The following EXOC6B variants were observed in gnomAD, a reference collection of about 807,000 sequenced individuals.
EXOC6B encodes SEC15 homolog B.
Under a neutral mutation model 113.5 loss-of-function variants are expected in EXOC6B, and 54 were observed. The observed-to-expected ratio is 0.48, with a 90% CI of 0.38 to 0.60. The LOEUF is 0.60. Ranked by LOEUF, EXOC6B falls within the 20% of genes least tolerant of loss-of-function variation. The pLI is 0.00. For synonymous variants in EXOC6B, 357 were observed against 339.0 expected (o/e 1.05, Z -0.58); for missense variants, 797 against 977.5 (o/e 0.82, Z 2.46).
At chr2:72,383,606 T>A (rs1170099363) in intron 18 of EXOC6B, among the ~76,000 whole-genome samples, 1 of 152,006 alleles carries the variant, frequency 6.6e-6, no homozygotes, top group Non-Finnish European at 1.5e-5. Context: ...CTCAAAGAAC[T>A]AAAAACAGAG....
intron 20 of EXOC6B, among the ~76,000 whole-genome samples, chr2:72,206,000 G>A (rs1308328860): frequency 1.3e-5 from 2 of 152,174 alleles, no homozygotes; most frequent in East Asian, 3.9e-4. Flanking sequence ...CTCAGTGTGA[G>A]TTCTGTGAGA....
chr2:72,669,430 GT>G (rs138748940), intron 6 of EXOC6B, among the ~76,000 whole-genome samples: 24 of 148,102 alleles, frequency 1.6e-4, no homozygotes, highest in South Asian at 6.4e-4. Context: ...CATTTTCAGA[GT>G]TTTTTTTTTA....
At chr2:72,801,645 A>G (rs1188351466) in intron 1 of EXOC6B, among the ~76,000 whole-genome samples, 1 of 152,210 alleles carries the variant, frequency 6.6e-6, no homozygotes, top group Non-Finnish European at 1.5e-5. Flanking sequence ...TGACTGGAAC[A>G]GTGTTTTGAA....
At chr2:72,378,082 G>A (rs915387030) in intron 19 of EXOC6B, among the ~76,000 whole-genome samples, 1 of 152,226 alleles carries the variant, frequency 6.6e-6, no homozygotes, top group African/African-American at 2.4e-5. Context: ...ATTCTGGTTG[G>A]TCAGAATTCC....
intron 20 of EXOC6B, among the ~76,000 whole-genome samples, chr2:72,297,615 T>C (rs914288737): frequency 6.6e-6 from 1 of 152,232 alleles, no homozygotes; most frequent in African/African-American, 2.4e-5. Context: ...CAATTTTAGA[T>C]CTTTCCTGCT....
intron 20 of EXOC6B, among the ~76,000 whole-genome samples, chr2:72,194,597 C>CTCTCTCTCTCTCTCTCTCTCTG (rs747161190): frequency 1.4e-5 from 2 of 147,298 alleles, no homozygotes; most frequent in African/African-American, 4.9e-5. Flanking sequence ...CTCTCTCTCT[C>CTCTCTCTCTCTCTCTCTCTCTG]TGTGTGTGTG....
chr2:72,804,721 G>A (rs925170515), intron 1 of EXOC6B, among the ~76,000 whole-genome samples: 5 of 151,736 alleles, frequency 3.3e-5, no homozygotes, highest in Non-Finnish European at 5.9e-5. Context: ...TCAGCCTCCC[G>A]AGTAGCTGGG....
rs139353341 is a variant in EXOC6B at position 72,429,432 on chromosome 2, G to A, written c.1980+35728C>T. Among the ~76,000 whole-genome samples, 34 of 152,250 alleles carry A rather than the reference G, an allele frequency of 2.2e-4. No individual in the cohort carries two copies. The East Asian group carries it at 5.8e-3, about 26-fold the overall frequency. The stretch of plus-strand genomic sequence containing the variant: ...ACAAAATGTGAGCATAAAGTGGTTC[G>A]ATTTGATATATACATACATCAGATC... On this transcript the variant is annotated intron_variant, in intron 18 of 21. Transcript: ENST00000272427.
chr2:72,291,373 C>T (rs1257447576), intron 20 of EXOC6B, among the ~76,000 whole-genome samples: 1 of 152,174 alleles, frequency 6.6e-6, no homozygotes, highest in Admixed American at 6.5e-5. Flanking sequence ...GAGAAATTCA[C>T]AAATATAAGG....
chr2:72,230,715 T>C, intron 20 of EXOC6B, among the ~76,000 whole-genome samples: 1 of 152,204 alleles, frequency 6.6e-6, no homozygotes, highest in East Asian at 1.9e-4. Context: ...AATTTAAGTG[T>C]GCAATTGTTA....
chr2:72,709,735 C>T (rs890598446), intron 6 of EXOC6B, among the ~76,000 whole-genome samples: 2 of 151,596 alleles, frequency 1.3e-5, no homozygotes, highest in Non-Finnish European at 2.9e-5. Flanking sequence ...CACTTCAAGA[C>T]CAAAATCAAA....
chr2:72,385,260 A>T (rs376564674), intron 18 of EXOC6B, among the ~76,000 whole-genome samples: 14 of 152,286 alleles, frequency 9.2e-5, no homozygotes, highest in African/African-American at 2.6e-4. Flanking sequence ...CACAATGGGG[A>T]AAAGATTCTT....
chr2:72,218,956 A>G (rs1167091929), intron 20 of EXOC6B, among the ~76,000 whole-genome samples: 1 of 142,360 alleles, frequency 7.0e-6, no homozygotes. Context: ...CCAATATGCT[A>G]TTTCTTAAAA....
chr2:72,434,019 G>C (rs1695705926), intron 18 of EXOC6B, among the ~76,000 whole-genome samples: 1 of 152,024 alleles, frequency 6.6e-6, no homozygotes, highest in Non-Finnish European at 1.5e-5. Context: ...TTGCCCGTTT[G>C]GTATGATATT....
intron 20 of EXOC6B, among the ~76,000 whole-genome samples, chr2:72,265,297 C>T (rs1684000215): frequency 6.7e-6 from 1 of 150,150 alleles, no homozygotes; most frequent in Non-Finnish European, 1.5e-5. Context: ...TACATGTGCA[C>T]AATGTGCAGG....
chr2:72,645,961 T>C (rs992801041), intron 6 of EXOC6B, among the ~76,000 whole-genome samples: 5 of 151,748 alleles, frequency 3.3e-5, no homozygotes, highest in South Asian at 2.1e-4. Flanking sequence ...CTGAAGGAGA[T>C]AGAGACACAA....
intron 16 of EXOC6B, among the ~76,000 whole-genome samples, chr2:72,489,673 T>C (rs187641031): frequency 1.3e-5 from 2 of 152,290 alleles, no homozygotes; most frequent in South Asian, 2.1e-4. Flanking sequence ...AGGCAGTATA[T>C]ATTAGAACAT....
intron 2 of EXOC6B, among the ~76,000 whole-genome samples, chr2:72,737,819 T>C (rs2104800167): frequency 6.6e-6 from 1 of 152,216 alleles, no homozygotes; most frequent in East Asian, 1.9e-4. Context: ...GCTGCTGCAC[T>C]CTAGCCTAGG....
chr2:72,408,037 G>A (rs951924007), intron 18 of EXOC6B, among the ~76,000 whole-genome samples: 3 of 148,338 alleles, frequency 2.0e-5, no homozygotes, highest in Non-Finnish European at 4.4e-5. Flanking sequence ...GAAAATCAAT[G>A]TGCACAAATC....
Sources: gnomAD v4.1 joint callset for allele counts (sites outside exome capture counted in the v4.1 genomes callset) on GRCh38, gnomAD v4.1.1 for gene constraint, MANE v1.5 for transcripts, NCBI Gene and HGNC (gene_info 2026-07-23, HGNC 2026-07-21) for gene names.